DYM: variants seen among roughly 807,000 people sequenced by gnomAD.
The protein encoded by DYM is dyggve-Melchior-Clausen syndrome protein.
DYM carries 78 observed loss-of-function variants against 93.1 expected under a neutral mutation model. The ratio of observed to expected loss-of-function variants is 0.84; its 90% confidence interval spans 0.70 to 1.01. The LOEUF (loss-of-function observed/expected upper bound fraction) is 1.01. DYM is among the 50% of genes least tolerant of loss of function. DYM has a pLI of 0.00. For missense variants in DYM, 789 were observed against 845.0 expected, an observed-to-expected ratio of 0.93 and a Z score of 0.82; for synonymous variants, 321 against 319.7, an observed-to-expected ratio of 1.00 and a Z score of -0.04.
intron 15 of DYM, among the ~76,000 whole-genome samples, chr18:49,155,917 GT>G (rs2086359208): frequency 6.6e-6 from 1 of 152,180 alleles, no homozygotes; most frequent in African/African-American, 2.4e-5. Flanking sequence ...TCATTTGTAT[GT>G]AAACCCAGAA....
At chr18:49,102,873 C>T (rs2080328923) in intron 16 of DYM, among the ~76,000 whole-genome samples, 1 of 152,194 alleles carries the variant, frequency 6.6e-6, no homozygotes, top group Non-Finnish European at 1.5e-5. Context: ...CTGCAATAAA[C>T]ACACGTGTGC....
intron 1 of DYM, among the ~76,000 whole-genome samples, chr18:49,436,022 CTTAT>C (rs2080830809): frequency 6.6e-6 from 1 of 152,082 alleles, no homozygotes; most frequent in Admixed American, 6.5e-5. Context: ...AATTTATTTA[CTTAT>C]TTTAGAGATA....
At chr18:49,057,638 T>C (rs1344481477) in intron 17 of DYM, among the ~76,000 whole-genome samples, 18 of 152,234 alleles carry the variant, frequency 1.2e-4, no homozygotes, top group Admixed American at 1.2e-3. Flanking sequence ...CTAGACAGGC[T>C]GGAAGGCAGA....
intron 16 of DYM, chr18:49,114,562 G>A (rs2081751173): frequency 1.0e-6 from 1 of 985,226 alleles, no homozygotes; most frequent in Admixed American, 6.1e-5. Flanking sequence ...TCTTCCAAAG[G>A]AGAATGTGTT....
At chr18:49,401,878 T>C (rs1386811331) in intron 2 of DYM, among the ~76,000 whole-genome samples, 1 of 151,878 alleles carries the variant, frequency 6.6e-6, no homozygotes, top group Non-Finnish European at 1.5e-5. Flanking sequence ...ATACAAAAAT[T>C]AGCTGAGTGT....
intron 16 of DYM, among the ~76,000 whole-genome samples, chr18:49,107,310 AT>A (rs1218378263): frequency 1.3e-5 from 2 of 151,876 alleles, no homozygotes; most frequent in Admixed American, 1.3e-4. Flanking sequence ...CATTCGTCTA[AT>A]TTTTTTTCAC....
chr18:49,103,496 G>A, intron 16 of DYM, among the ~76,000 whole-genome samples: 1 of 152,196 alleles, frequency 6.6e-6, no homozygotes, highest in African/African-American at 2.4e-5. Context: ...CTATGTCTAT[G>A]TCCTGAATGG....
chr18:49,443,986 A>C (rs1469662675), intron 1 of DYM, among the ~76,000 whole-genome samples: 1 of 152,222 alleles, frequency 6.6e-6, no homozygotes, highest in African/African-American at 2.4e-5. Context: ...AAATCAAGGA[A>C]ATACTAATTC....
intron 2 of DYM, among the ~76,000 whole-genome samples, chr18:49,423,549 C>T (rs917354766): frequency 3.3e-5 from 5 of 152,026 alleles, no homozygotes; most frequent in African/African-American, 1.2e-4. Flanking sequence ...AAGATCGGAG[C>T]AGAACTGAAG....
chr18:49,367,749 C>T (rs1463184939), intron 5 of DYM, among the ~76,000 whole-genome samples: 2 of 152,044 alleles, frequency 1.3e-5, no homozygotes, highest in Admixed American at 1.3e-4. Flanking sequence ...TTTAATGCTG[C>T]CCAAAATTAC....
chr18:49,085,607 T>C (rs1188433034), intron 17 of DYM, among the ~76,000 whole-genome samples: 1 of 61,710 alleles, frequency 1.6e-5, no homozygotes, highest in Non-Finnish European at 3.7e-5. Flanking sequence ...CAACTGGTCC[T>C]TTTTTTTTTT....
At position 49,298,171 on chromosome 18, in the gene DYM, A is replaced by G. The variant is rs572968356; in HGVS notation, c.764-11555T>C. 1.4e-4 allele frequency among the ~76,000 whole-genome samples: 21 copies of G among 152,288 alleles called. No individual in the cohort carries two copies. In the South Asian group the frequency reaches 4.1e-3, roughly 30 times the overall value. ...TATTACTAACCCATCCTGTCTCCCA[A>G]AAGGAATGCTTTGACCATCTCAAGA... On this transcript the variant is annotated intron_variant, in intron 8 of 17. Coordinates refer to ENST00000675505, the MANE Select transcript of DYM (RefSeq NM_001353214.3).
intron 17 of DYM, among the ~76,000 whole-genome samples, chr18:49,074,433 G>A (rs1292411351): frequency 6.6e-6 from 1 of 152,110 alleles, no homozygotes; most frequent in African/African-American, 2.4e-5. Context: ...TATCTATGGC[G>A]GGTGTTTTGG....
intron 13 of DYM, among the ~76,000 whole-genome samples, chr18:49,240,339 T>C (rs951211233): frequency 1.3e-5 from 2 of 152,182 alleles, no homozygotes; most frequent in African/African-American, 2.4e-5. Context: ...ATGTCAGTTA[T>C]ACTGACAGAT....
At chr18:49,296,223 A>T (rs2060540675) in intron 8 of DYM, among the ~76,000 whole-genome samples, 1 of 152,096 alleles carries the variant, frequency 6.6e-6, no homozygotes, top group Non-Finnish European at 1.5e-5. Flanking sequence ...GCCACCCAAA[A>T]CCATACTATT....
At chr18:49,168,758 C>A (rs764009362) in intron 14 of DYM, among the ~76,000 whole-genome samples, 1 of 152,036 alleles carries the variant, frequency 6.6e-6, no homozygotes, top group Non-Finnish European at 1.5e-5. Flanking sequence ...CTGAAGAGAG[C>A]ACTGTGGGAG....
intron 8 of DYM, among the ~76,000 whole-genome samples, chr18:49,324,169 A>AAAAAAC (rs2062722322): frequency 1.4e-5 from 2 of 145,218 alleles, no homozygotes; most frequent in African/African-American, 2.6e-5. Flanking sequence ...AAAAAAAAAA[A>AAAAAAC]TCTTTAACAC....
chr18:49,449,649 C>T (rs1339617422), intron 1 of DYM, among the ~76,000 whole-genome samples: 1 of 152,196 alleles, frequency 6.6e-6, no homozygotes, highest in African/African-American at 2.4e-5. Flanking sequence ...AACATTTTGG[C>T]TTATCTCTTC....
At chr18:49,258,817 C>G (rs866678307) in intron 11 of DYM, among the ~76,000 whole-genome samples, 1,460 of 109,050 alleles carry the variant, frequency 0.013, 50 homozygotes, top group African/African-American at 0.047. Context: ...CACACACACA[C>G]ACACAGAGAC....
Sources: gnomAD v4.1 joint callset for allele counts (sites outside exome capture counted in the v4.1 genomes callset) on GRCh38, gnomAD v4.1.1 for gene constraint, MANE v1.5 for transcripts, NCBI Gene and HGNC (gene_info 2026-07-23, HGNC 2026-07-21) for gene names.